The following PKD2L2 variants were observed in gnomAD, a reference collection of about 807,000 sequenced individuals.
PKD2L2 encodes polycystin-2-like protein 2.
Under a neutral mutation model 83.9 loss-of-function variants are expected in PKD2L2, and 67 were observed. The observed-to-expected ratio is 0.80, with a 90% CI of 0.66 to 0.98. The LOEUF (loss-of-function observed/expected upper bound fraction) is 0.98, where lower values mean the gene tolerates loss of function less well. Ranked by LOEUF, PKD2L2 falls within the 50% of genes least tolerant of loss-of-function variation. The probability of loss-of-function intolerance (pLI) is 0.00; values close to 1 mark genes in which losing one functional copy is unlikely to be tolerated. For synonymous variants in PKD2L2, 223 were observed against 237.8 expected (o/e 0.94, Z 0.57); for missense variants, 632 against 717.2 (o/e 0.88, Z 1.36).
chr5:137,935,838 G>T lies in PKD2L2; in HGVS notation c.1713G>T (p.Arg571Ser). Residue 571 changes from arginine to serine, a missense_variant, in exon 13 of 15, where the codon AGG (arginine) becomes AGT (serine). Around this residue, in one of 3 missense-constraint regions of PKD2L2, gnomAD observed 399 missense variants for 416.9 expected, o/e 0.96. Transcript: ENST00000508883. Reference protein sequence around the residue: ...NAEQMKKWKERLEKKYYSMEI... With the variant: ...NAEQMKKWKESLEKKYYSMEI... ...AGCAGATGAAAAAATGGAAAGAGAG[G>T]CTTGAGAAAAAGTATTATTCTATGG... 1 of 1,611,754 alleles carries T rather than the reference G, an allele frequency of 6.2e-7. No individual in the cohort carries two copies.
Position 137,894,417 on chromosome 5 carries a change from A to G in PKD2L2, c.332A>G (p.Tyr111Cys). 6.2e-7 allele frequency: 1 copy of G among 1,612,412 alleles called. No individual in the cohort carries two copies. Among genetic ancestry groups the G allele is most frequent in the Non-Finnish European group, 8.5e-7 (1 of 1,179,096 alleles). Residue 111 changes from tyrosine (Y) to cysteine (C), a missense_variant, in exon 4 of 15, where the codon TAT becomes TGT. Physicochemically the swap from Tyr to Cys is radical, Grantham distance 194. Coordinates refer to ENST00000508883, the MANE Select transcript of PKD2L2 (RefSeq NM_001300921.2). ...WDSWYNNQQL[Y>C]NLKNSSRIYY... The stretch of plus-strand genomic sequence containing the variant: ...TCATGGTACAATAACCAGCAGCTGT[A>G]TAATTTAAAGAACAGCAGTCGCATC...
chr5:137,918,971 T>C (rs200550349), intron 8 of PKD2L2, among the ~76,000 whole-genome samples: 1 of 133,368 alleles, frequency 7.5e-6, no homozygotes, highest in Non-Finnish European at 1.7e-5. Context: ...TGTGTGTGAG[T>C]GTGTGTGTGT....
At chr5:137,907,985 T>TG (rs1757498579) in intron 7 of PKD2L2, 73 bp downstream of exon 7, 2 of 705,248 alleles carry the variant, frequency 2.8e-6, no homozygotes, top group Admixed American at 7.3e-5. Flanking sequence ...TAAAAAGCCA[T>TG]GGGGAAAAAA....
chr5:137,916,771 C>A (rs572128614), intron 8 of PKD2L2, among the ~76,000 whole-genome samples: 2 of 152,236 alleles, frequency 1.3e-5, no homozygotes, highest in South Asian at 4.2e-4. Context: ...GCCACTGAGC[C>A]TGGCTGCCAC....
Position 137,894,438 on chromosome 5 carries a change from G to T in PKD2L2, c.353G>T (p.Arg118Leu), listed in dbSNP as rs772979367. ...QQLYNLKNSSRIYYENILLGV... is the reference protein window; with the variant it reads ...QQLYNLKNSSLIYYENILLGV... ...CTGTATAATTTAAAGAACAGCAGTC[G>T]CATCTACTATGAAAATATACTTCTA... Residue 118 changes from arginine to leucine, a missense_variant, in exon 4 of 15, where the codon CGC becomes CTC. Around this residue, in one of 3 missense-constraint regions of PKD2L2, gnomAD observed 229 missense variants for 281.5 expected, o/e 0.81. Transcript: ENST00000508883. The T allele has an allele frequency of 6.2e-7, 1 of 1,613,096 alleles. No individual in the cohort carries two copies. The highest frequency in any genetic ancestry group is 1.1e-5 in the South Asian group (1 of 91,072).
intron 8 of PKD2L2, among the ~76,000 whole-genome samples, chr5:137,913,844 C>T (rs1057262526): frequency 8.6e-5 from 13 of 151,284 alleles, no homozygotes; most frequent in Admixed American, 2.6e-4. Flanking sequence ...AGGCACTGTG[C>T]CCAGCTTTTC....
chr5:137,937,321 G>A (rs570154816), intron 14 of PKD2L2, among the ~76,000 whole-genome samples: 4 of 152,278 alleles, frequency 2.6e-5, no homozygotes, highest in South Asian at 2.1e-4. Flanking sequence ...CATTTCTAAG[G>A]TGTAATGCAT....
intron 2 of PKD2L2, among the ~76,000 whole-genome samples, chr5:137,891,341 C>G (rs1226813636): frequency 6.6e-6 from 1 of 152,076 alleles, no homozygotes; most frequent in Non-Finnish European, 1.5e-5. Context: ...TGGCACACCC[C>G]TGTAGTCCTA....
intron 12 of PKD2L2, among the ~76,000 whole-genome samples, chr5:137,926,493 G>C (rs558173489): frequency 1.3e-5 from 2 of 152,108 alleles, no homozygotes; most frequent in African/African-American, 4.8e-5. Flanking sequence ...TCTCATTTTC[G>C]GATAAAGGAA....
rs1330865637 is a variant in PKD2L2, at chr5:137,923,589, T to C, written c.1551+68T>C. 13 of 798,870 alleles carry C rather than the reference T, an allele frequency of 1.6e-5. No individual in the cohort carries two copies. In the East Asian group the frequency reaches 3.0e-4, roughly 18 times the overall value. 49.5% of individuals were successfully genotyped at this position (798,870 alleles called of 1,614,324 possible). A position where few individuals can be genotyped will look rare whatever the true frequency, so the allele number is the denominator to read the frequency against. On this transcript the variant is annotated intron_variant, in intron 10 of 14. Coordinates refer to ENST00000508883, the MANE Select transcript of PKD2L2 (RefSeq NM_001300921.2). ...TCATATAGTTTATCCTCTTGTAGTT[T>C]GAATACCACTTAATTCCAAGTGGTC... is the stretch of plus-strand genomic sequence containing the variant.
chr5:137,941,934 C>T lies in PKD2L2; in HGVS notation c.*18-450C>T, dbSNP rs770463100. On this transcript the variant is annotated intron_variant, in intron 14 of 14. Coordinates refer to ENST00000508883, the MANE Select transcript of PKD2L2 (RefSeq NM_001300921.2). ...AGAAAGATGACTCAATTTTGTGATG[C>T]TCAACAAACCTTCCATTTTGTTGAT... 3.7e-6 allele frequency: 6 copies of T among 1,607,032 alleles called. No individual in the cohort carries two copies. In the East Asian group the frequency reaches 1.3e-4, roughly 36 times the overall value.
chr5:137,910,161 G>C (rs543610677), intron 8 of PKD2L2, among the ~76,000 whole-genome samples: 1 of 151,496 alleles, frequency 6.6e-6, no homozygotes, highest in African/African-American at 2.4e-5. Flanking sequence ...GGGAGTTTGA[G>C]GTTACAGTGA....
rs1022675990 is a variant in PKD2L2, at chr5:137,923,329, A to C, written c.1450-91A>C. 4 of 687,178 alleles carry C rather than the reference A, an allele frequency of 5.8e-6. No homozygotes were observed. The African/African-American group carries it at 7.3e-5, about 13-fold the overall frequency. 42.6% of individuals were successfully genotyped at this position (687,178 alleles called of 1,614,324 possible). On this transcript the variant is annotated intron_variant, in intron 9 of 14. Transcript: ENST00000508883. ...CGCACCTGGCCTACTTTTAAAATTT[A>C]AATATAATTTTACAAACCCAAAACT...
At chr5:137,931,939 C>T (rs186624451) in intron 12 of PKD2L2, among the ~76,000 whole-genome samples, 1 of 152,198 alleles carries the variant, frequency 6.6e-6, no homozygotes, top group Admixed American at 6.5e-5. Flanking sequence ...GTCATATATG[C>T]AAACATCAAT....
At chr5:137,928,752 T>C (rs77853941) in intron 12 of PKD2L2, among the ~76,000 whole-genome samples, 2,128 of 152,266 alleles carry the variant, frequency 0.014, 39 homozygotes, top group African/African-American at 0.047. Context: ...TAAAATTACA[T>C]AGTGATGGCA....
chr5:137,921,545 T>C (rs929471661), intron 8 of PKD2L2, 91 bp from the exon 9 acceptor site: 2 of 778,492 alleles, frequency 2.6e-6, no homozygotes, highest in African/African-American at 1.7e-5. Context: ...CATATGCTGC[T>C]AGATATCCTC....
intron 5 of PKD2L2, 46 bp from the exon 6 acceptor site, chr5:137,906,160 T>G (rs751462585): frequency 9.1e-7 from 1 of 1,095,436 alleles, no homozygotes; most frequent in Non-Finnish European, 1.4e-6. Context: ...TACTGAAATA[T>G]AAATGCTTGA....
chr5:137,904,076 C>A (rs1030896107), intron 5 of PKD2L2, among the ~76,000 whole-genome samples: 1 of 152,118 alleles, frequency 6.6e-6, no homozygotes, highest in African/African-American at 2.4e-5. Context: ...TTATTTTAAA[C>A]CTTATGATTT....
intron 12 of PKD2L2, among the ~76,000 whole-genome samples, chr5:137,931,370 G>A (rs765897559): frequency 2.0e-4 from 31 of 152,102 alleles, no homozygotes; most frequent in South Asian, 4.1e-4. Flanking sequence ...CCCAAATTAC[G>A]TTTATGAAAC....
Sources: allele counts gnomAD v4.1 joint callset (sites outside exome capture counted in the v4.1 genomes callset), GRCh38; gene constraint gnomAD v4.1.1; regional missense constraint gnomAD v4.1.1; transcripts MANE v1.5; gene names NCBI Gene and HGNC (gene_info 2026-07-23, HGNC 2026-07-21).